DNAJC6: variants seen among roughly 807,000 people sequenced by gnomAD.
DNAJC6 encodes DnaJ heat shock protein family (Hsp40) member C6.
In DNAJC6, 34 loss-of-function variants were observed where a neutral mutation model predicts 110.0. That is an observed-to-expected ratio of 0.31 (90% CI 0.24 to 0.41). The LOEUF (loss-of-function observed/expected upper bound fraction) is 0.41, where lower values mean the gene tolerates loss of function less well. DNAJC6 is among the 10% of genes least tolerant of loss of function. The probability of loss-of-function intolerance (pLI) is 1.00; values close to 1 mark genes in which losing one functional copy is unlikely to be tolerated. For missense variants in DNAJC6, 1,031 were observed against 1,207.8 expected, an observed-to-expected ratio of 0.85 and a Z score of 2.17; for synonymous variants, 406 against 437.2, an observed-to-expected ratio of 0.93 and a Z score of 0.89.
At chr1:65,411,478 C>A (rs747195573) in intron 18 of DNAJC6, 52 bp downstream of exon 18, 2 of 1,540,064 alleles carry the variant, frequency 1.3e-6, no homozygotes, top group Non-Finnish European at 8.8e-7. Context: ...GCTTCATTAT[C>A]TTATGAGTAT....
chr1:65,411,182 G>T, intron 17 of DNAJC6, 68 bp from the exon 18 acceptor site: 2 of 1,517,272 alleles, frequency 1.3e-6, no homozygotes, highest in Non-Finnish European at 1.8e-6. Context: ...GGTTTCTAGA[G>T]TCCTAGTGGA....
At chr1:65,388,523 T>C in intron 9 of DNAJC6, 108 bp downstream of exon 9, 2 of 1,003,604 alleles carry the variant, frequency 2.0e-6, no homozygotes, top group Non-Finnish European at 3.1e-6. Flanking sequence ...GCTGCTGAAC[T>C]ACTGAGTGTC....
At chr1:65,387,656 A>G (rs550227033) in intron 8 of DNAJC6, among the ~76,000 whole-genome samples, 90 of 152,302 alleles carry the variant, frequency 5.9e-4, no homozygotes, top group African/African-American at 2.1e-3. Context: ...ATATTATTCC[A>G]TTGTAATGTC....
chr1:65,364,638 C>A lies in DNAJC6; in HGVS notation c.197C>A (p.Ala66Asp), dbSNP rs1292796531. 2.6e-6 allele frequency: 4 copies of A among 1,565,628 alleles called. No individual in the cohort carries two copies. Among genetic ancestry groups the A allele is most frequent in the Non-Finnish European group, 1.7e-6 (2 of 1,165,840 alleles). ...TGTTTTTTTTTTTTTTTGGCAGGTG[C>A]CTCATCTCCAGACATGGAGCCCAGC... The part of the protein sequence containing the change: ...DRASTMDSSG[A>D]SSPDMEPSYG... Residue 66 changes from alanine (A) to aspartate (D), a missense_variant, in exon 2 of 19, where the codon GCC becomes GAC. Ala to Asp is a moderately radical substitution (Grantham distance 126, BLOSUM62 -2). Transcript: ENST00000371069.
intron 1 of DNAJC6, among the ~76,000 whole-genome samples, chr1:65,347,590 C>T (rs1258485538): frequency 6.6e-6 from 1 of 151,974 alleles, no homozygotes. Flanking sequence ...TAAAATATAA[C>T]AAAATATAGG....
intron 1 of DNAJC6, among the ~76,000 whole-genome samples, chr1:65,281,611 T>A (rs894094606): frequency 8.6e-5 from 13 of 152,038 alleles, no homozygotes; most frequent in African/African-American, 2.4e-4. Context: ...TTTTAGTTTT[T>A]TTTTTGTTTT....
intron 8 of DNAJC6, 143 bp downstream of exon 8, chr1:65,387,072 C>T (rs1645879993): frequency 1.4e-6 from 1 of 705,144 alleles, no homozygotes; most frequent in Admixed American, 2.4e-5. Flanking sequence ...GCTTAGCTCA[C>T]CTCCTTCATC....
chr1:65,344,233 A>G (rs1645416183), intron 1 of DNAJC6, among the ~76,000 whole-genome samples: 1 of 152,206 alleles, frequency 6.6e-6, no homozygotes, highest in African/African-American at 2.4e-5. Context: ...TCCTTACAAT[A>G]ATGAATGATG....
Position 65,379,468 on chromosome 1 carries a change from A to T in DNAJC6, c.610A>T (p.Asn204Tyr), listed in dbSNP as rs1210253396. 1 of 1,614,144 alleles carries T rather than the reference A, an allele frequency of 6.2e-7. No individual in the cohort carries two copies. The highest frequency in any genetic ancestry group is 8.5e-7 in the Non-Finnish European group (1 of 1,179,994). The change falls in exon 5 of 19, where the codon AAT becomes TAT. Residue 204 changes from asparagine (N) to tyrosine (Y), a missense_variant. Coordinates refer to ENST00000371069, the MANE Select transcript of DNAJC6 (RefSeq NM_001256864.2). ...SLHNLFAVCR[N>Y]MYNWLLQNPK... is the part of the protein sequence containing the mutation. The stretch of plus-strand genomic sequence containing the variant: ...GCACAACCTTTTTGCTGTGTGTCGG[A>T]ATATGTATAACTGGCTACTGCAGAA...
intron 1 of DNAJC6, among the ~76,000 whole-genome samples, chr1:65,296,189 G>A (rs1325360509): frequency 1.3e-5 from 2 of 152,150 alleles, no homozygotes; most frequent in Non-Finnish European, 2.9e-5. Flanking sequence ...TAGCCAAAGG[G>A]AATTTTAAAA....
intron 4 of DNAJC6, among the ~76,000 whole-genome samples, chr1:65,373,641 A>G (rs1271554263): frequency 9.1e-6 from 1 of 110,298 alleles, no homozygotes; most frequent in Admixed American, 8.7e-5. Context: ...TTTTTTTTTT[A>G]TTGTTGAGTT....
At chr1:65,408,221 G>C (rs990715722) in intron 16 of DNAJC6, among the ~76,000 whole-genome samples, 1 of 152,170 alleles carries the variant, frequency 6.6e-6, no homozygotes, top group Non-Finnish European at 1.5e-5. Flanking sequence ...TGGAGAGAAA[G>C]AGCAAAGTGA....
At chr1:65,368,616 CCTT>C (rs1368087450) in intron 4 of DNAJC6, among the ~76,000 whole-genome samples, 4 of 145,508 alleles carry the variant, frequency 2.7e-5, no homozygotes, top group Non-Finnish European at 4.5e-5. Context: ...TCCTCCTTCT[CCTT>C]CTTCTCCTTC....
In DNAJC6 at chr1:65,386,942, GA is replaced by G; in HGVS notation, c.1113+15del. ...GCTACAGGCTAAGGTATGGTTTTTG[GA>G]AGAATCATGGCATAAGTTCATCTGA... On this transcript the variant is annotated intron_variant, in intron 8 of 18. Coordinates refer to ENST00000371069, the MANE Select transcript of DNAJC6 (RefSeq NM_001256864.2). 1.3e-6 allele frequency: 2 copies of G among 1,599,698 alleles called. No individual in the cohort carries two copies. The highest frequency in any genetic ancestry group is 8.6e-7 in the Non-Finnish European group (1 of 1,166,982).
intron 1 of DNAJC6, among the ~76,000 whole-genome samples, chr1:65,314,996 A>G (rs1028397225): frequency 1.3e-5 from 2 of 152,262 alleles, no homozygotes; most frequent in African/African-American, 4.8e-5. Context: ...AATGGTGGAC[A>G]CTTTCTGTGA....
intron 1 of DNAJC6, among the ~76,000 whole-genome samples, chr1:65,356,565 AAAAT>A (rs879748752): frequency 6.8e-6 from 1 of 146,064 alleles, no homozygotes; most frequent in Non-Finnish European, 1.5e-5. Context: ...CTCTGTCTCA[AAAAT>A]AAATAAATAA....
At chr1:65,324,915 G>A (rs910111715) in intron 1 of DNAJC6, among the ~76,000 whole-genome samples, 1 of 152,166 alleles carries the variant, frequency 6.6e-6, no homozygotes, top group Non-Finnish European at 1.5e-5. Flanking sequence ...TAGTGCCGAG[G>A]TAGGGAAACC....
chr1:65,402,319 G>A (rs1646037356), intron 15 of DNAJC6, among the ~76,000 whole-genome samples: 1 of 152,212 alleles, frequency 6.6e-6, no homozygotes, highest in Non-Finnish European at 1.5e-5. Context: ...TCCATTAACT[G>A]TGGTGCTCTC....
upstream of DNAJC6, among the ~76,000 whole-genome samples, chr1:65,307,010 C>A (rs866263664): frequency 0.013 from 1,084 of 84,558 alleles, 18 homozygotes; most frequent in African/African-American, 0.041. Flanking sequence ...CTCTCTCTCT[C>A]TCTCTCTCTA....
Sources: gnomAD v4.1 joint callset for allele counts (sites outside exome capture counted in the v4.1 genomes callset) on GRCh38, gnomAD v4.1.1 for gene constraint, MANE v1.5 for transcripts, NCBI Gene and HGNC (gene_info 2026-07-23, HGNC 2026-07-21) for gene names.